DISC1: variants seen among roughly 807,000 people sequenced by gnomAD.
DISC1 encodes the protein DISC1 scaffold protein, also known as disrupted in schizophrenia 1 protein.
A neutral mutation model predicts 84.5 loss-of-function variants in DISC1; 57 were observed. That is an observed-to-expected ratio of 0.67 (90% CI 0.55 to 0.84). The LOEUF (loss-of-function observed/expected upper bound fraction) is 0.84, where lower values mean the gene tolerates loss of function less well. DISC1 is among the 40% of genes least tolerant of loss of function. The pLI, the probability that DISC1 is intolerant of heterozygous loss-of-function variation, is 0.00. For missense variants in DISC1, 1,000 were observed against 1,057.8 expected (o/e 0.95, Z 0.76); for synonymous variants, 411 against 415.2 (o/e 0.99, Z 0.12).
chr1:231,930,942 C>G (rs1416713798), intron 9 of DISC1, among the ~76,000 whole-genome samples: 1 of 152,182 alleles, frequency 6.6e-6, no homozygotes, highest in Non-Finnish European at 1.5e-5. Flanking sequence ...ACTCTTAGCT[C>G]CTTACATGCA....
intron 3 of DISC1, among the ~76,000 whole-genome samples, chr1:231,706,454 G>A (rs1241518030): frequency 1.4e-4 from 21 of 152,140 alleles, no homozygotes; most frequent in Admixed American, 1.4e-3. Context: ...TATCCCCCTG[G>A]CTGCTCGTGT....
chr1:231,694,022 T>C lies in DISC1; in HGVS notation c.264T>C (p.Leu88=). The C allele has an allele frequency of 6.2e-7, 1 of 1,614,174 alleles. No individual in the cohort carries two copies. ...HSESRARQCG[L]DSRGLLVRSP... is the part of the protein sequence containing the mutation. ...AGTCCAGGGCCAGACAGTGTGGCCTTGACTCGAGAGGCCTCTTGGTCCGGA... is the reference window on the plus strand; with the variant it reads ...AGTCCAGGGCCAGACAGTGTGGCCTCGACTCGAGAGGCCTCTTGGTCCGGA... Residue 88 remains leucine (L), a synonymous_variant, in exon 2 of 13, where the codon CTT becomes CTC. Coordinates refer to ENST00000439617, the MANE Select transcript of DISC1 (RefSeq NM_018662.3).
chr1:231,795,189 G>T (rs2078661591), intron 6 of DISC1, 53 bp from the exon 7 acceptor site: 5 of 1,526,502 alleles, frequency 3.3e-6, no homozygotes, highest in Non-Finnish European at 3.6e-6. Context: ...AACTGTAGTG[G>T]TATTGAATTG....
chr1:231,953,563 A>C (rs1306942896), intron 9 of DISC1, among the ~76,000 whole-genome samples: 1 of 152,230 alleles, frequency 6.6e-6, no homozygotes, highest in Non-Finnish European at 1.5e-5. Context: ...AAAATTTCTC[A>C]GAGTTCTAAA....
chr1:231,673,068 C>T lies in DISC1; in HGVS notation c.68-20758C>T, dbSNP rs191187087. On this transcript the variant is annotated intron_variant, in intron 1 of 12. Coordinates refer to ENST00000439617, the MANE Select transcript of DISC1 (RefSeq NM_018662.3). ...GTGCAGGGGGACTCCCTGGGGCTTACCCCAGGGTCAGGTGCAATGGTTCTT... is the reference window on the plus strand; with the variant it reads ...GTGCAGGGGGACTCCCTGGGGCTTATCCCAGGGTCAGGTGCAATGGTTCTT... 2.2e-3 allele frequency among the ~76,000 whole-genome samples: 337 copies of T among 152,312 alleles called. 1 individual carries two copies. The highest frequency in any genetic ancestry group is 3.4e-3 in the Non-Finnish European group (228 of 68,022).
chr1:231,909,216 G>A (rs2088968600), intron 9 of DISC1, among the ~76,000 whole-genome samples: 1 of 152,164 alleles, frequency 6.6e-6, no homozygotes, highest in Admixed American at 6.5e-5. Flanking sequence ...TGCTGAATAG[G>A]AGTGGTGAGA....
In DISC1 at chr1:231,958,735, C is replaced by T. The variant is rs1659961467; in HGVS notation, c.1982-93C>T. The T allele has an allele frequency of 3.9e-6, 5 of 1,291,820 alleles. No individual in the cohort carries two copies. The Admixed American group carries it at 9.3e-5, about 24-fold the overall frequency. 80.0% of individuals were successfully genotyped at this position (1,291,820 alleles called of 1,614,324 possible). ...ATGTTACGATTACTAGTGGCTTGAC[C>T]TCAATCCTTTGGCTTTGAGCTTTTA... On this transcript the variant is annotated intron_variant, in intron 9 of 12. Transcript: ENST00000439617.
At chr1:231,998,674 A>G (rs140243783) in intron 10 of DISC1, among the ~76,000 whole-genome samples, 29 of 152,362 alleles carry the variant, frequency 1.9e-4, no homozygotes, top group Non-Finnish European at 3.7e-4. Flanking sequence ...AAGATTTATC[A>G]TGCACAAGCT....
chr1:231,874,707 C>T (rs1330314910), intron 9 of DISC1, among the ~76,000 whole-genome samples: 3 of 151,548 alleles, frequency 2.0e-5, no homozygotes, highest in Non-Finnish European at 2.9e-5. Context: ...GTCAGGAGAT[C>T]GAGACCATCC....
At chr1:231,791,461 C>T (rs910808464) in intron 6 of DISC1, among the ~76,000 whole-genome samples, 85 of 152,122 alleles carry the variant, frequency 5.6e-4, no homozygotes, top group African/African-American at 2.0e-3. Context: ...GTTTCTACTT[C>T]ATAGAGTTAT....
At chr1:231,997,814 G>A (rs1157569402) in intron 10 of DISC1, among the ~76,000 whole-genome samples, 1 of 152,166 alleles carries the variant, frequency 6.6e-6, no homozygotes, top group African/African-American at 2.4e-5. Context: ...GAGGGCCTTG[G>A]CAGTATCCAC....
At chr1:231,958,947 A>G in intron 10 of DISC1, 59 bp downstream of exon 10, 2 of 1,538,888 alleles carry the variant, frequency 1.3e-6, no homozygotes, top group South Asian at 1.3e-5. Context: ...CTTTATTATA[A>G]CAGAATTTAG....
At chr1:231,660,864 A>G (rs528619882) in intron 1 of DISC1, among the ~76,000 whole-genome samples, 4 of 152,268 alleles carry the variant, frequency 2.6e-5, no homozygotes, top group South Asian at 2.1e-4. Flanking sequence ...TCATAGTGTC[A>G]CTGGTCTGTG....
intron 1 of DISC1, among the ~76,000 whole-genome samples, chr1:231,665,397 CA>C (rs1162008637): frequency 6.6e-6 from 1 of 152,134 alleles, no homozygotes; most frequent in Non-Finnish European, 1.5e-5. Context: ...GAAGTGCTCC[CA>C]AAAAGCAGAG....
intron 1 of DISC1, among the ~76,000 whole-genome samples, chr1:231,664,054 C>CCATT (rs1293718735): frequency 2.0e-5 from 3 of 151,792 alleles, no homozygotes; most frequent in African/African-American, 4.8e-5. Flanking sequence ...ATCCATCCAT[C>CCATT]CATCCATCCA....
chr1:231,681,163 C>T (rs76251010), intron 1 of DISC1, among the ~76,000 whole-genome samples: 4,372 of 152,270 alleles, frequency 0.029, 99 homozygotes, highest in Middle Eastern at 0.071. Flanking sequence ...AAAAGACAAT[C>T]GTTTAGGAGA....
At chr1:231,773,546 A>T (rs926929457) in intron 6 of DISC1, among the ~76,000 whole-genome samples, 1 of 151,726 alleles carries the variant, frequency 6.6e-6, no homozygotes, top group Non-Finnish European at 1.5e-5. Context: ...CAGCACACCC[A>T]GCTAATTTTT....
intron 9 of DISC1, among the ~76,000 whole-genome samples, chr1:231,903,942 G>T (rs1196943257): frequency 6.6e-6 from 1 of 152,206 alleles, no homozygotes; most frequent in Admixed American, 6.5e-5. Flanking sequence ...AGAGAGTCAG[G>T]CTGGGCACAG....
At chr1:231,960,228 G>A (rs1253651134) in intron 10 of DISC1, among the ~76,000 whole-genome samples, 1 of 152,086 alleles carries the variant, frequency 6.6e-6, no homozygotes, top group Non-Finnish European at 1.5e-5. Flanking sequence ...GCACGCATTA[G>A]TTTCCTTTAC....
Sources: gnomAD v4.1 joint callset for allele counts (sites outside exome capture counted in the v4.1 genomes callset) on GRCh38, gnomAD v4.1.1 for gene constraint, MANE v1.5 for transcripts, NCBI Gene and HGNC (gene_info 2026-07-23, HGNC 2026-07-21) for gene names.